The following KANK1 variants were observed in gnomAD, a reference collection of about 807,000 sequenced individuals.
KANK1 encodes the protein KN motif and ankyrin repeat domain-containing protein 1.
A neutral mutation model predicts 106.2 loss-of-function variants in KANK1; 109 were observed. The ratio of observed to expected loss-of-function variants is 1.03; its 90% CI spans 0.88 to 1.20. KANK1 has a LOEUF of 1.20. Among genes scored for constraint, KANK1 ranks in the 50% most tolerant of loss-of-function variants. The pLI, the probability that KANK1 is intolerant of heterozygous loss-of-function variation, is 0.00. For synonymous variants in KANK1, 873 were observed against 652.2 expected (o/e 1.34, Z -5.16); for missense variants, 2,399 against 1,710.7 (o/e 1.40, Z -7.10).
At chr9:741,446 C>T (rs567596917) in intron 9 of KANK1, among the ~76,000 whole-genome samples, 4 of 151,206 alleles carry the variant, frequency 2.6e-5, no homozygotes, top group African/African-American at 9.8e-5. Context: ...CCTTAGCCTC[C>T]CGAGTAGCAG....
chr9:497,643 A>G (rs1007751477), intron 3 of KANK1, among the ~76,000 whole-genome samples: 1 of 152,202 alleles, frequency 6.6e-6, no homozygotes. Context: ...GCTTGAGCTC[A>G]GGAGTTTGAG....
At chr9:606,931 T>A (rs1018194052) in intron 1 of KANK1, among the ~76,000 whole-genome samples, 7 of 151,736 alleles carry the variant, frequency 4.6e-5, no homozygotes, top group Admixed American at 3.9e-4. Flanking sequence ...CTGAGTTGGC[T>A]TAAAAACTAA....
chr9:739,271 C>G (rs1266598200), intron 8 of KANK1, among the ~76,000 whole-genome samples: 1 of 152,158 alleles, frequency 6.6e-6, no homozygotes, highest in Non-Finnish European at 1.5e-5. Flanking sequence ...ATTTTTATTT[C>G]TAGTATGTGA....
At chr9:649,291 GT>G (rs1840372779) in intron 1 of KANK1, among the ~76,000 whole-genome samples, 1 of 151,964 alleles carries the variant, frequency 6.6e-6, no homozygotes, top group Non-Finnish European at 1.5e-5. Context: ...GCCTGTCCTG[GT>G]TTATGTCTCT....
chr9:604,311 A>G (rs1185374763), intron 1 of KANK1, among the ~76,000 whole-genome samples: 1 of 151,702 alleles, frequency 6.6e-6, no homozygotes, highest in African/African-American at 2.4e-5. Context: ...CCCAAATCTC[A>G]TCTCAAATTG....
chr9:473,054 T>C (rs907907473), intron 2 of KANK1: 1 of 152,238 alleles, frequency 6.6e-6, no homozygotes, highest in Admixed American at 6.5e-5. Flanking sequence ...TGAGATTTTA[T>C]ATAGCAATAG....
chr9:572,233 A>G (rs935375072), intron 1 of KANK1, among the ~76,000 whole-genome samples: 1 of 146,054 alleles, frequency 6.8e-6, no homozygotes, highest in South Asian at 2.1e-4. Context: ...GTAGTTCACT[A>G]CAGCCTTAAA....
intron 1 of KANK1, among the ~76,000 whole-genome samples, chr9:566,718 T>G (rs1011057326): frequency 6.6e-6 from 1 of 152,162 alleles, no homozygotes; most frequent in African/African-American, 2.4e-5. Context: ...TTTTTTCTTA[T>G]AAATTTAAGT....
intron 1 of KANK1, among the ~76,000 whole-genome samples, chr9:540,203 A>G (rs1251471984): frequency 6.6e-6 from 1 of 152,210 alleles, no homozygotes; most frequent in African/African-American, 2.4e-5. Context: ...GTCGAGGTCC[A>G]TTCTTTATAC....
chr9:706,718 A>T (rs1316568140), intron 2 of KANK1: 2 of 927,468 alleles, frequency 2.2e-6, no homozygotes, highest in South Asian at 5.0e-5. Flanking sequence ...GCCACGTGTC[A>T]TAAGCCCAGG....
At chr9:675,762 T>C (rs1024329760) in intron 1 of KANK1, among the ~76,000 whole-genome samples, 5 of 152,094 alleles carry the variant, frequency 3.3e-5, no homozygotes, top group Admixed American at 1.3e-4. Flanking sequence ...AAAAGCAAGT[T>C]TATTAAGAAA....
chr9:607,205 G>A (rs1430152009), intron 1 of KANK1, among the ~76,000 whole-genome samples: 1 of 151,778 alleles, frequency 6.6e-6, no homozygotes, highest in Admixed American at 6.5e-5. Flanking sequence ...CAGATGGTTA[G>A]CAAGGGGCAG....
At chr9:629,025 G>A (rs1172054979) in intron 1 of KANK1, among the ~76,000 whole-genome samples, 1 of 148,006 alleles carries the variant, frequency 6.8e-6, no homozygotes, top group Non-Finnish European at 1.5e-5. Context: ...GTTGCAGTGA[G>A]CCAAGATCAT....
intron 1 of KANK1, among the ~76,000 whole-genome samples, chr9:636,376 T>G (rs1315216422): frequency 1.3e-5 from 2 of 152,206 alleles, no homozygotes; most frequent in African/African-American, 2.4e-5. Context: ...CCTGGTTTCT[T>G]TTGTGTTTGA....
At chr9:730,920 C>A in intron 4 of KANK1, 1 of 306,822 alleles carries the variant, frequency 3.3e-6, no homozygotes, top group South Asian at 4.2e-5. Context: ...TTTTCACTGG[C>A]TTTGTTATGT....
chr9:733,516 C>G (rs1832867291), intron 6 of KANK1: 1 of 152,182 alleles, frequency 6.6e-6, no homozygotes, highest in African/African-American at 2.4e-5. Context: ...GTTTACTGGT[C>G]AGCACGATGG....
At chr9:507,129 C>T (rs1021892424) in intron 1 of KANK1, among the ~76,000 whole-genome samples, 60 of 146,162 alleles carry the variant, frequency 4.1e-4, no homozygotes, top group African/African-American at 1.5e-3. Context: ...ACAGCTTATG[C>T]CATCTTTTTT....
chr9:709,586 A>G (rs1311311497), intron 2 of KANK1, among the ~76,000 whole-genome samples: 6 of 150,112 alleles, frequency 4.0e-5, no homozygotes, highest in African/African-American at 1.5e-4. Flanking sequence ...CAATGAAATT[A>G]TCTACTGGAC....
At chr9:702,740 G>A (rs921170650) in intron 2 of KANK1, among the ~76,000 whole-genome samples, 2 of 152,076 alleles carry the variant, frequency 1.3e-5, no homozygotes, top group Non-Finnish European at 2.9e-5. Context: ...CCTAGTTTCA[G>A]TGGAAAAACT....
Sources: allele counts gnomAD v4.1 joint callset (sites outside exome capture counted in the v4.1 genomes callset), GRCh38; gene constraint gnomAD v4.1.1; transcripts MANE v1.5; gene names NCBI Gene and HGNC (gene_info 2026-07-23, HGNC 2026-07-21).